Variants in TMEM156 observed in about 807,000 individuals in gnomAD.
TMEM156 encodes transmembrane protein 156.
Under a neutral mutation model 30.5 loss-of-function variants are expected in TMEM156, and 28 were observed. That is an observed-to-expected ratio of 0.92 (90% CI 0.68 to 1.26). The LOEUF is 1.26. TMEM156 is among the 50% of genes most tolerant of loss of function. The pLI, the probability that TMEM156 is intolerant of heterozygous loss-of-function variation, is 0.00. For synonymous variants in TMEM156, 137 were observed against 119.9 expected, an observed-to-expected ratio of 1.14 and a Z score of -0.93; for missense variants, 351 against 340.6, an observed-to-expected ratio of 1.03 and a Z score of -0.24.
chr4:38,981,108 G>C (rs1358583365), intron 5 of TMEM156: 6 of 191,490 alleles, frequency 3.1e-5, no homozygotes, highest in Non-Finnish European at 4.8e-5. Flanking sequence ...AAATAAGATA[G>C]TTAAGCAAGT....
chr4:39,002,005 A>G (rs1480798907), intron 1 of TMEM156, among the ~76,000 whole-genome samples: 8 of 133,540 alleles, frequency 6.0e-5, no homozygotes, highest in Admixed American at 4.6e-4. Context: ...ACCAAAAGCA[A>G]TGGCAACAAA....
In TMEM156 at chr4:38,970,146, T is replaced by TTGTG. The variant is rs71641397; in HGVS notation, c.*38+882_*38+885dup. 3.9e-3 allele frequency among the ~76,000 whole-genome samples: 578 copies of TTGTG among 149,164 alleles called. 3 individuals carry two copies. Among genetic ancestry groups the TTGTG allele is most frequent in the African/African-American group, 0.01 (424 of 40,656 alleles). On this transcript the variant is annotated intron_variant, in intron 6 of 6. Transcript: ENST00000381938. ...CTCCTCACACACTGTGTGTGTGTGT[T>TTGTG]TGTGTGTGTGTGTGTGTGTGTATAC...
At chr4:38,972,873 G>A (rs776984132) in intron 5 of TMEM156, among the ~76,000 whole-genome samples, 1 of 152,054 alleles carries the variant, frequency 6.6e-6, no homozygotes, top group Non-Finnish European at 1.5e-5. Context: ...CCCATTAATT[G>A]TTGGTCTTTT....
chr4:39,007,639 G>T (rs1257564261), intron 1 of TMEM156, among the ~76,000 whole-genome samples: 1 of 151,502 alleles, frequency 6.6e-6, no homozygotes. Context: ...GGTATTTTTT[G>T]GTAGAGATGG....
chr4:38,988,925 A>G lies in TMEM156; in HGVS notation c.665T>C (p.Leu222Ser). ...MKITWYILVLLVFIFLIILTI... is the reference protein window; with the variant it reads ...MKITWYILVLSVFIFLIILTI... ...GAGGATGATCAAAAATATAAAAACT[A>G]ATAGAACTAAAATATACCAAGTGAT... Residue 222 changes from leucine to serine, a missense_variant, in exon 4 of 7, where the codon TTA becomes TCA. Transcript: ENST00000381938. 2 of 1,613,062 alleles carry G rather than the reference A, an allele frequency of 1.2e-6. No individual in the cohort carries two copies. Among genetic ancestry groups the G allele is most frequent in the Non-Finnish European group, 1.7e-6 (2 of 1,179,106 alleles).
chr4:38,997,134 A>C (rs1046393660), intron 2 of TMEM156, among the ~76,000 whole-genome samples: 1 of 152,242 alleles, frequency 6.6e-6, no homozygotes, highest in African/African-American at 2.4e-5. Context: ...GGCAGAGAAG[A>C]TCTGTGAGCT....
chr4:38,980,529 A>G (rs1301137134), intron 5 of TMEM156, among the ~76,000 whole-genome samples: 1 of 152,234 alleles, frequency 6.6e-6, no homozygotes. Flanking sequence ...GTATCATCAG[A>G]TAGTGTCCTT....
intron 5 of TMEM156, chr4:38,980,973 C>G: frequency 7.1e-6 from 7 of 984,856 alleles, no homozygotes; most frequent in Non-Finnish European, 7.2e-6. Flanking sequence ...CCTATAGATT[C>G]TTCACATTTG....
chr4:38,994,994 A>T (rs1712829529), intron 2 of TMEM156, among the ~76,000 whole-genome samples: 2 of 151,950 alleles, frequency 1.3e-5, no homozygotes, highest in Non-Finnish European at 2.9e-5. Context: ...TAGAAGTGTG[A>T]GATCAAGGTG....
intron 1 of TMEM156, among the ~76,000 whole-genome samples, chr4:39,011,748 G>A (rs1438059725): frequency 1.3e-5 from 2 of 151,992 alleles, no homozygotes; most frequent in Non-Finnish European, 2.9e-5. Flanking sequence ...ACTCCAGCCT[G>A]GACAACAGAG....
At chr4:39,000,717 T>A (rs979484102) in intron 1 of TMEM156, among the ~76,000 whole-genome samples, 1 of 151,836 alleles carries the variant, frequency 6.6e-6, no homozygotes, top group Non-Finnish European at 1.5e-5. Flanking sequence ...TGAAACCTCA[T>A]CTCTACTAAA....
intron 1 of TMEM156, among the ~76,000 whole-genome samples, chr4:39,000,246 G>C (rs950376910): frequency 6.6e-6 from 1 of 152,168 alleles, no homozygotes; most frequent in African/African-American, 2.4e-5. Flanking sequence ...ACAAAAATTA[G>C]CCAGGCGGGG....
chr4:39,027,041 G>A (rs558750096), intron 1 of TMEM156, among the ~76,000 whole-genome samples: 8 of 152,264 alleles, frequency 5.3e-5, no homozygotes, highest in Non-Finnish European at 1.2e-4. Flanking sequence ...ATTCTCTCTT[G>A]AGAATGATGC....
chr4:38,986,506 A>G, intron 4 of TMEM156, 87 bp from the exon 5 acceptor site: 2 of 1,020,070 alleles, frequency 2.0e-6, no homozygotes, highest in South Asian at 1.3e-5. Flanking sequence ...AAGGATTACC[A>G]AAAAGAATGG....
chr4:39,023,290 C>T (rs1299404360), intron 1 of TMEM156, among the ~76,000 whole-genome samples: 1 of 152,186 alleles, frequency 6.6e-6, no homozygotes, highest in Non-Finnish European at 1.5e-5. Flanking sequence ...CACTTTGTTA[C>T]AGCAGCCCAA....
chr4:38,985,127 T>A (rs1457654376), intron 5 of TMEM156, among the ~76,000 whole-genome samples: 1 of 152,214 alleles, frequency 6.6e-6, no homozygotes, highest in Non-Finnish European at 1.5e-5. Flanking sequence ...TCCTCATATT[T>A]GGACACATGT....
At chr4:39,011,762 G>A (rs1021476813) in intron 1 of TMEM156, among the ~76,000 whole-genome samples, 1 of 152,012 alleles carries the variant, frequency 6.6e-6, no homozygotes, top group African/African-American at 2.4e-5. Context: ...AACAGAGTGA[G>A]ACTCCATCTC....
chr4:38,989,115 G>A (rs1712231120), intron 3 of TMEM156, 145 bp from the exon 4 acceptor site: 10 of 760,936 alleles, frequency 1.3e-5, no homozygotes, highest in Non-Finnish European at 1.9e-5. Flanking sequence ...AGGGTCACTA[G>A]CTCTCCTGAA....
At chr4:38,994,300 A>AT (rs1712766120) in intron 2 of TMEM156, among the ~76,000 whole-genome samples, 1 of 151,822 alleles carries the variant, frequency 6.6e-6, no homozygotes, top group African/African-American at 2.4e-5. Flanking sequence ...AATTTTTTTA[A>AT]TTTTTTGTAG....
Sources: gnomAD v4.1 joint callset for allele counts (sites outside exome capture counted in the v4.1 genomes callset) on GRCh38, gnomAD v4.1.1 for gene constraint, MANE v1.5 for transcripts, NCBI Gene and HGNC (gene_info 2026-07-23, HGNC 2026-07-21) for gene names.